FRAS1: variants seen among roughly 807,000 people sequenced by gnomAD.
FRAS1 encodes Fraser extracellular matrix complex subunit 1.
Under a neutral mutation model 435.2 loss-of-function variants are expected in FRAS1, and 290 were observed. The observed-to-expected ratio is 0.67, with a 90% CI of 0.61 to 0.73. The LOEUF (loss-of-function observed/expected upper bound fraction) is 0.73. Ranked by LOEUF, FRAS1 falls within the 30% of genes least tolerant of loss-of-function variation. The probability of loss-of-function intolerance (pLI) is 0.00; values close to 1 mark genes in which losing one functional copy is unlikely to be tolerated. For synonymous variants in FRAS1, 1,800 were observed against 1,851.0 expected (o/e 0.97, Z 0.71); for missense variants, 4,860 against 5,001.5 (o/e 0.97, Z 0.85).
intron 3 of FRAS1, among the ~76,000 whole-genome samples, chr4:78,243,608 G>A (rs112890312): frequency 2.0e-5 from 3 of 151,970 alleles, no homozygotes; most frequent in Admixed American, 6.6e-5. Flanking sequence ...TCAATAGATA[G>A]ACCAAGTTGG....
intron 59 of FRAS1, among the ~76,000 whole-genome samples, chr4:78,494,051 C>T (rs1049542399): frequency 6.6e-6 from 1 of 152,106 alleles, no homozygotes; most frequent in African/African-American, 2.4e-5. Context: ...TCTCCAGCCA[C>T]ATTCTTTTCC....
Position 78,487,540 on chromosome 4 carries a change from T to C in FRAS1, c.8753-1335T>C, listed in dbSNP as rs565396597. 2.0e-5 allele frequency among the ~76,000 whole-genome samples: 3 copies of C among 152,280 alleles called. No homozygotes were observed. The South Asian group carries it at 6.2e-4, about 32-fold the overall frequency. On this transcript the variant is annotated intron_variant, in intron 58 of 73. Coordinates refer to ENST00000512123, the MANE Select transcript of FRAS1 (RefSeq NM_025074.7). Reference sequence around the variant, plus strand: ...TTCTGACCCAGGAGGCTTTGACATATGATTCTTTGCATTGTTCGTGAATAA... The same window carrying C: ...TTCTGACCCAGGAGGCTTTGACATACGATTCTTTGCATTGTTCGTGAATAA...
chr4:78,451,855 A>G lies in FRAS1; in HGVS notation c.6547A>G (p.Arg2183Gly), dbSNP rs765200472. ...TGATGTGGTTGATGGAGAAGGCAACAGATTGATTGACAAGTCATTTTCCAT... is the reference window on the plus strand; with the variant it reads ...TGATGTGGTTGATGGAGAAGGCAACGGATTGATTGACAAGTCATTTTCCAT... ...KFDVVDGEGN[R>G]LIDKSFSISI... The change falls in exon 46 of 74, where the codon AGA (arginine) becomes GGA (glycine). Residue 2183 changes from arginine to glycine, a missense_variant. Transcript: ENST00000512123. 1 of 1,613,176 alleles carries G rather than the reference A, an allele frequency of 6.2e-7. No homozygotes were observed. The highest frequency in any genetic ancestry group is 2.2e-5 in the East Asian group (1 of 44,862).
chr4:78,301,846 G>GTTTTTTTTTTTTTTTTTTTTTTT (rs59794614), intron 14 of FRAS1, among the ~76,000 whole-genome samples: 1 of 103,936 alleles, frequency 9.6e-6, no homozygotes, highest in Non-Finnish European at 1.9e-5. Context: ...CACAGAAACA[G>GTTTTTTTTTTTTTTTTTTTTTTT]TTTTTTTTTT....
At position 78,488,009 on chromosome 4, in the gene FRAS1, T is replaced by C. The variant is rs552743777; in HGVS notation, c.8753-866T>C. Among the ~76,000 whole-genome samples, 673 of 152,296 alleles carry C rather than the reference T, an allele frequency of 4.4e-3. 6 individuals are homozygous for C. The highest frequency in any genetic ancestry group is 0.016 in the African/African-American group (645 of 41,568). On this transcript the variant is annotated intron_variant, in intron 58 of 73. Coordinates refer to ENST00000512123, the MANE Select transcript of FRAS1 (RefSeq NM_025074.7). The stretch of plus-strand genomic sequence containing the variant: ...AAAGAAGAGGCATCTAGCGCCTACC[T>C]GTAGTCCCAGCTACTTGGGAGGCTG...
chr4:78,284,228 TA>T (rs1331749930), intron 12 of FRAS1, among the ~76,000 whole-genome samples, 176 bp from the exon 13 acceptor site: 7 of 95,844 alleles, frequency 7.3e-5, no homozygotes, highest in East Asian at 2.9e-4. Flanking sequence ...CATTGGAATG[TA>T]TTTTTTTTTT....
chr4:78,076,010 A>T lies in FRAS1; in HGVS notation c.108+9994A>T, dbSNP rs776893664. Among the ~76,000 whole-genome samples, 92 of 152,232 alleles carry T rather than the reference A, an allele frequency of 6.0e-4. 1 individual carries two copies. Among genetic ancestry groups the T allele is most frequent in the Non-Finnish European group, 1.2e-3 (81 of 68,004 alleles). ...GTGGGGATGCTTTGAAATGGAAATCATTTGCTCTTGGATTCAGAGTCTGTC... is the reference window on the plus strand; with the variant it reads ...GTGGGGATGCTTTGAAATGGAAATCTTTTGCTCTTGGATTCAGAGTCTGTC... On this transcript the variant is annotated intron_variant, in intron 2 of 73. Coordinates refer to ENST00000512123, the MANE Select transcript of FRAS1 (RefSeq NM_025074.7).
intron 26 of FRAS1, among the ~76,000 whole-genome samples, chr4:78,377,897 C>T (rs1443260099): frequency 6.6e-6 from 1 of 151,282 alleles, no homozygotes; most frequent in African/African-American, 2.5e-5. Flanking sequence ...TAAAAGATCC[C>T]TATATGATTC....
intron 2 of FRAS1, among the ~76,000 whole-genome samples, chr4:78,092,239 A>G (rs1741563360): frequency 6.6e-6 from 1 of 152,130 alleles, no homozygotes; most frequent in African/African-American, 2.4e-5. Flanking sequence ...CGCACAACTC[A>G]GGTCTCTGTC....
chr4:78,265,613 C>T (rs1011746245), intron 7 of FRAS1, among the ~76,000 whole-genome samples: 5 of 152,058 alleles, frequency 3.3e-5, no homozygotes, highest in South Asian at 2.1e-4. Flanking sequence ...GCCTGGATAA[C>T]GATGTGCCTA....
intron 57 of FRAS1, among the ~76,000 whole-genome samples, 156 bp downstream of exon 57, chr4:78,482,120 G>A (rs1720030183): frequency 1.3e-5 from 2 of 152,106 alleles, no homozygotes; most frequent in Admixed American, 6.5e-5. Flanking sequence ...GTTAACTTAG[G>A]AGGGGATCTT....
Position 78,308,177 on chromosome 4 carries a change from A to T in FRAS1, c.1646A>T (p.Lys549Ile). The T allele has an allele frequency of 6.2e-7, 1 of 1,613,918 alleles. No homozygotes were observed. The highest frequency in any genetic ancestry group is 8.5e-7 in the Non-Finnish European group (1 of 1,179,856). The part of the protein sequence containing the change: ...RDGGCESSCG[K>I]GFYNRQGTCS... The stretch of plus-strand genomic sequence containing the variant: ...GGCGGCTGTGAGAGCAGCTGTGGAA[A>T]AGGCTTCTACAACAGGCAGGGCACC... Residue 549 changes from lysine (K) to isoleucine (I), a missense_variant, in exon 15 of 74, where the codon AAA becomes ATA. By Grantham distance (102) the Lys-to-Ile change is moderately radical (BLOSUM62 -3). Coordinates refer to ENST00000512123, the MANE Select transcript of FRAS1 (RefSeq NM_025074.7).
At position 78,479,599 on chromosome 4, in the gene FRAS1, A is replaced by G. The variant is rs377601355; in HGVS notation, c.8324A>G (p.Asp2775Gly). 5 of 1,613,852 alleles carry G rather than the reference A, an allele frequency of 3.1e-6. No individual in the cohort carries two copies. The African/African-American group carries it at 4.0e-5, about 13-fold the overall frequency. The change falls in exon 56 of 74, where the codon GAT (aspartate) becomes GGT (glycine). Residue 2775 changes from aspartate (D) to glycine (G), a missense_variant. Transcript: ENST00000512123. ...GAAGAGTTTGAGATTGCCTTGGCAG[A>G]TGCCTCTGACAATGCCCGCATTGGA... ...EEEEFEIALA[D>G]ASDNARIGRV...
At chr4:78,060,142 A>G (rs1560502444) in intron 1 of FRAS1, among the ~76,000 whole-genome samples, 1 of 152,056 alleles carries the variant, frequency 6.6e-6, no homozygotes, top group African/African-American at 2.4e-5. Flanking sequence ...AGCACTTTAC[A>G]TACTTTATCT....
chr4:78,166,803 A>G (rs1045408613), intron 2 of FRAS1, among the ~76,000 whole-genome samples: 1 of 152,120 alleles, frequency 6.6e-6, no homozygotes, highest in African/African-American at 2.4e-5. Flanking sequence ...TGTGAGAAAA[A>G]AAATGTGTGA....
chr4:78,396,353 T>C (rs144321607), intron 29 of FRAS1, among the ~76,000 whole-genome samples: 2 of 152,330 alleles, frequency 1.3e-5, no homozygotes, highest in Non-Finnish European at 2.9e-5. Context: ...TGTTTTCATG[T>C]TGCTAATTAA....
chr4:78,494,224 T>C (rs905577297), intron 59 of FRAS1, among the ~76,000 whole-genome samples: 26 of 152,218 alleles, frequency 1.7e-4, no homozygotes, highest in Non-Finnish European at 8.8e-5. Flanking sequence ...AGATCTATGT[T>C]TTTTAGGTGT....
chr4:78,217,829 C>G (rs1415866666), intron 2 of FRAS1, among the ~76,000 whole-genome samples: 1 of 99,174 alleles, frequency 1.0e-5, no homozygotes, highest in Non-Finnish European at 2.1e-5. Context: ...CCCTCCCCTC[C>G]CCTTCCCCTC....
intron 41 of FRAS1, among the ~76,000 whole-genome samples, chr4:78,445,225 A>C (rs925156216): frequency 2.0e-5 from 3 of 152,194 alleles, no homozygotes; most frequent in African/African-American, 7.2e-5. Context: ...CTAATAAAAC[A>C]ACCAGTGGTT....
Sources: allele counts gnomAD v4.1 joint callset (sites outside exome capture counted in the v4.1 genomes callset), GRCh38; gene constraint gnomAD v4.1.1; transcripts MANE v1.5; gene names NCBI Gene and HGNC (gene_info 2026-07-23, HGNC 2026-07-21).